The following NME7 variants were observed in gnomAD, a reference collection of about 807,000 sequenced individuals.
NME7 encodes the protein NME/NM23 family member 7.
In NME7, 41 loss-of-function variants were observed where a neutral mutation model predicts 49.1. The observed-to-expected ratio is 0.83, with a 90% CI of 0.65 to 1.08. The LOEUF (loss-of-function observed/expected upper bound fraction) is 1.08. Ranked by LOEUF, NME7 falls within the 50% of genes least tolerant of loss-of-function variation. NME7 has a pLI of 0.00. For missense variants in NME7, 423 were observed against 463.4 expected (o/e 0.91, Z 0.80); for synonymous variants, 139 against 150.6 (o/e 0.92, Z 0.56).
chr1:169,171,620 G>A (rs1248214906), intron 10 of NME7, among the ~76,000 whole-genome samples: 1 of 151,906 alleles, frequency 6.6e-6, no homozygotes, highest in African/African-American at 2.4e-5. Context: ...AAAATTAGCA[G>A]GGCATGGTGG....
chr1:169,202,312 C>T (rs1047274185), intron 10 of NME7, among the ~76,000 whole-genome samples: 4 of 152,072 alleles, frequency 2.6e-5, no homozygotes, highest in East Asian at 1.9e-4. Context: ...AGTTCAAAGG[C>T]GATCTGGTGG....
At chr1:169,154,595 C>T (rs545536217) in intron 11 of NME7, among the ~76,000 whole-genome samples, 4 of 151,670 alleles carry the variant, frequency 2.6e-5, no homozygotes, top group South Asian at 2.1e-4. Flanking sequence ...ATCAGGAGTT[C>T]GAGACCAGCC....
At chr1:169,161,203 G>C (rs908946411) in intron 11 of NME7, among the ~76,000 whole-genome samples, 27 of 152,232 alleles carry the variant, frequency 1.8e-4, no homozygotes, top group Non-Finnish European at 3.7e-4. Flanking sequence ...TTTATCTCTT[G>C]CCATTTTCTA....
chr1:169,351,842 T>C (rs955312379), intron 1 of NME7, among the ~76,000 whole-genome samples: 1 of 151,894 alleles, frequency 6.6e-6, no homozygotes, highest in African/African-American at 2.4e-5. Flanking sequence ...AAAAACTTCC[T>C]ACACACATAA....
intron 1 of NME7, among the ~76,000 whole-genome samples, chr1:169,349,453 A>G (rs984215503): frequency 1.3e-5 from 2 of 152,212 alleles, no homozygotes; most frequent in African/African-American, 4.8e-5. Flanking sequence ...AATATGCGTG[A>G]CATTCAGTGA....
intron 7 of NME7, among the ~76,000 whole-genome samples, chr1:169,237,954 C>T (rs957741005): frequency 4.6e-5 from 7 of 151,826 alleles, no homozygotes; most frequent in African/African-American, 1.7e-4. Context: ...CCTTTAAAGC[C>T]CCTGAAGTCT....
chr1:169,241,677 AAGTT>A (rs1225154454), intron 7 of NME7, among the ~76,000 whole-genome samples: 4 of 151,918 alleles, frequency 2.6e-5, no homozygotes, highest in South Asian at 2.1e-4. Context: ...AAACAGGAAA[AAGTT>A]AGATAAAGAA....
chr1:169,149,969 T>C (rs572056518), intron 11 of NME7, among the ~76,000 whole-genome samples: 1 of 152,342 alleles, frequency 6.6e-6, no homozygotes, highest in African/African-American at 2.4e-5. Context: ...TTTATGACTT[T>C]GGGTCCCTTC....
chr1:169,336,564 A>G (rs902083772), intron 1 of NME7, among the ~76,000 whole-genome samples: 1 of 152,204 alleles, frequency 6.6e-6, no homozygotes, highest in African/African-American at 2.4e-5. Context: ...AGCTAGATAC[A>G]GAGTGTCGAT....
At chr1:169,192,290 T>A (rs930472067) in intron 10 of NME7, among the ~76,000 whole-genome samples, 1 of 152,142 alleles carries the variant, frequency 6.6e-6, no homozygotes, top group South Asian at 2.1e-4. Context: ...GCCCTCTGTA[T>A]CCGCAGATTC....
At chr1:169,181,280 T>C (rs1557976715) in intron 10 of NME7, among the ~76,000 whole-genome samples, 1 of 151,958 alleles carries the variant, frequency 6.6e-6, no homozygotes, top group Non-Finnish European at 1.5e-5. Flanking sequence ...CTCAATTACA[T>C]GTTTTCTCTC....
At chr1:169,281,352 G>A (rs916912456) in intron 7 of NME7, among the ~76,000 whole-genome samples, 2 of 152,154 alleles carry the variant, frequency 1.3e-5, no homozygotes, top group Non-Finnish European at 2.9e-5. Context: ...GAGGTTTTGG[G>A]CTAAGACAAT....
intron 1 of NME7, among the ~76,000 whole-genome samples, chr1:169,327,683 A>G (rs1194477004): frequency 1.3e-5 from 2 of 152,232 alleles, no homozygotes; most frequent in South Asian, 2.1e-4. Context: ...TGTAAAATTC[A>G]TATAAGTTTT....
chr1:169,347,141 T>C (rs1012324619), intron 1 of NME7, among the ~76,000 whole-genome samples: 4 of 151,960 alleles, frequency 2.6e-5, no homozygotes, highest in Non-Finnish European at 5.9e-5. Flanking sequence ...AGCCCAGGAG[T>C]TGGAGTTATG....
intron 7 of NME7, among the ~76,000 whole-genome samples, chr1:169,248,667 A>AT (rs1648423692): frequency 6.6e-6 from 1 of 152,066 alleles, no homozygotes; most frequent in Non-Finnish European, 1.5e-5. Context: ...AAGGTAAGGG[A>AT]TAAGCATCCA....
At chr1:169,292,386 G>C (rs1364401233) in intron 6 of NME7, among the ~76,000 whole-genome samples, 1 of 152,128 alleles carries the variant, frequency 6.6e-6, no homozygotes, top group African/African-American at 2.4e-5. Flanking sequence ...GGATGAAAAT[G>C]CAAACCACAT....
At chr1:169,209,629 A>C (rs1445920546) in intron 10 of NME7, among the ~76,000 whole-genome samples, 1 of 152,140 alleles carries the variant, frequency 6.6e-6, no homozygotes, top group Non-Finnish European at 1.5e-5. Context: ...CATCATAGCC[A>C]CAGAGCTTTT....
At chr1:169,230,952 G>T (rs1252152980) in intron 9 of NME7, 133 bp from the exon 10 acceptor site, 2 of 497,736 alleles carry the variant, frequency 4.0e-6, no homozygotes, top group African/African-American at 2.0e-5. Context: ...CACATATCAA[G>T]CAGTTCCCAA....
chr1:169,156,334 A>T (rs1659071668), intron 11 of NME7, among the ~76,000 whole-genome samples: 1 of 144,062 alleles, frequency 6.9e-6, no homozygotes, highest in African/African-American at 2.5e-5. Flanking sequence ...AAAAATTAAA[A>T]AGCCATCCAG....
Sources: allele counts gnomAD v4.1 joint callset (sites outside exome capture counted in the v4.1 genomes callset), GRCh38; gene constraint gnomAD v4.1.1; transcripts MANE v1.5; gene names NCBI Gene and HGNC (gene_info 2026-07-23, HGNC 2026-07-21).